Variants in SGCD observed in about 807,000 individuals in gnomAD.
The protein encoded by SGCD is sarcoglycan delta, also known as delta-sarcoglycan.
SGCD carries 18 observed loss-of-function variants against 36.6 expected under a neutral mutation model. The ratio of observed to expected loss-of-function variants is 0.49; its 90% CI spans 0.34 to 0.73. The LOEUF (loss-of-function observed/expected upper bound fraction) is 0.73, where lower values mean the gene tolerates loss of function less well. SGCD is among the 30% of genes least tolerant of loss of function. The probability of loss-of-function intolerance (pLI) is 0.01; values close to 1 mark genes in which losing one functional copy is unlikely to be tolerated. For synonymous variants in SGCD, 133 were observed against 130.6 expected, an observed-to-expected ratio of 1.02 and a Z score of -0.12; for missense variants, 387 against 346.7, an observed-to-expected ratio of 1.12 and a Z score of -0.92.
At chr5:156,063,529 T>C (rs371699023) in intron 1 of SGCD, among the ~76,000 whole-genome samples, 1 of 126,034 alleles carries the variant, frequency 7.9e-6, no homozygotes, top group Non-Finnish European at 1.6e-5. Context: ...TTGGGCAGTA[T>C]GGCCATTTTC....
intron 3 of SGCD, among the ~76,000 whole-genome samples, chr5:156,289,140 T>TA (rs1218535569): frequency 6.6e-6 from 1 of 152,066 alleles, no homozygotes; most frequent in Non-Finnish European, 1.5e-5. Context: ...CATATAAGTT[T>TA]AAAAAACACT....
chr5:156,334,609 C>CTTTTTTTTTTTTTTTTTTTTT (rs35767339), intron 2 of SGCD, among the ~76,000 whole-genome samples: 2 of 105,066 alleles, frequency 1.9e-5, no homozygotes, highest in African/African-American at 7.6e-5. Flanking sequence ...GGTCTATTTT[C>CTTTTTTTTTTTTTTTTTTTTT]TTTTTTTTTT....
intron 3 of SGCD, among the ~76,000 whole-genome samples, chr5:156,445,390 G>A (rs1753718061): frequency 6.6e-6 from 1 of 152,094 alleles, no homozygotes; most frequent in African/African-American, 2.4e-5. Flanking sequence ...TTACAAAATA[G>A]GAATGTATTT....
At chr5:156,440,435 G>T (rs1245116122) in intron 3 of SGCD, among the ~76,000 whole-genome samples, 3 of 152,052 alleles carry the variant, frequency 2.0e-5, no homozygotes, top group Non-Finnish European at 2.9e-5. Context: ...CAACATTTGT[G>T]TACACATTTC....
At chr5:155,886,499 CACGCGCGCGTGCGTGTGTGTGT>C (rs1002841957) in intron 1 of SGCD, among the ~76,000 whole-genome samples, 1 of 75,476 alleles carries the variant, frequency 1.3e-5, no homozygotes, top group African/African-American at 5.2e-5. Context: ...TGTGTGCGCG[CACGCGCGCGTGCGTGTGTGTGT>C]GCGTGGGCGC....
intron 6 of SGCD, among the ~76,000 whole-genome samples, chr5:156,617,807 C>A (rs1762075934): frequency 1.3e-5 from 2 of 152,182 alleles, no homozygotes. Context: ...GATTGCCCTC[C>A]CTGGTACATC....
chr5:155,962,900 C>G (rs1366553821), intron 1 of SGCD, among the ~76,000 whole-genome samples: 1 of 152,116 alleles, frequency 6.6e-6, no homozygotes, highest in Non-Finnish European at 1.5e-5. Flanking sequence ...AATCTATGCC[C>G]TCATTTCGGC....
At chr5:155,824,051 C>T in the SGCD span, among the ~76,000 whole-genome samples, 1 of 152,114 alleles carries the variant, frequency 6.6e-6, no homozygotes, top group Non-Finnish European at 1.5e-5. Context: ...CAGAGAAATG[C>T]CCTCAAATAT....
intron 3 of SGCD, among the ~76,000 whole-genome samples, chr5:156,345,277 A>G (rs775055130): frequency 6.6e-6 from 1 of 152,078 alleles, no homozygotes; most frequent in Non-Finnish European, 1.5e-5. Context: ...TGTTTCTTCA[A>G]TGAAACTTTT....
chr5:155,919,558 A>G (rs1756828074), intron 1 of SGCD, among the ~76,000 whole-genome samples: 1 of 152,192 alleles, frequency 6.6e-6, no homozygotes, highest in Non-Finnish European at 1.5e-5. Flanking sequence ...TGGAGATTAC[A>G]AACTTAAAAA....
chr5:156,646,592 G>T (rs1561835548), intron 6 of SGCD, among the ~76,000 whole-genome samples: 1 of 152,144 alleles, frequency 6.6e-6, no homozygotes, highest in Non-Finnish European at 1.5e-5. Context: ...TTCACACATG[G>T]AAGTAAGATA....
At chr5:156,593,779 G>A (rs550897272) in intron 5 of SGCD, among the ~76,000 whole-genome samples, 3 of 152,244 alleles carry the variant, frequency 2.0e-5, no homozygotes, top group South Asian at 4.2e-4. Context: ...GTTCCTAGTG[G>A]TCTTTGGCTG....
chr5:156,328,011 C>A (rs1767889525), intron 1 of SGCD, among the ~76,000 whole-genome samples: 1 of 152,194 alleles, frequency 6.6e-6, no homozygotes, highest in Admixed American at 6.5e-5. Context: ...AGGACAGAGA[C>A]ATGATGGTGT....
chr5:155,914,633 A>G (rs978548598), intron 1 of SGCD, among the ~76,000 whole-genome samples: 1 of 152,154 alleles, frequency 6.6e-6, no homozygotes, highest in Non-Finnish European at 1.5e-5. Flanking sequence ...ATAATAAACA[A>G]TTTTTTAAAA....
At chr5:156,003,068 G>T (rs780362633) in intron 1 of SGCD, among the ~76,000 whole-genome samples, 1 of 152,188 alleles carries the variant, frequency 6.6e-6, no homozygotes, top group African/African-American at 2.4e-5. Context: ...AGTTAATGAA[G>T]CCATCCCAAA....
chr5:156,655,292 T>C (rs756438481), intron 7 of SGCD, among the ~76,000 whole-genome samples: 3 of 152,160 alleles, frequency 2.0e-5, no homozygotes, highest in Non-Finnish European at 4.4e-5. Context: ...CAAACCTCTG[T>C]CTTGGCTGCT....
chr5:156,078,767 G>T (rs1270255856), intron 1 of SGCD, among the ~76,000 whole-genome samples: 1 of 150,030 alleles, frequency 6.7e-6, no homozygotes, highest in Non-Finnish European at 1.5e-5. Context: ...TGCTAAACTA[G>T]TATAATTTTA....
the SGCD span, among the ~76,000 whole-genome samples, chr5:155,814,240 G>A: frequency 1.3e-5 from 2 of 152,164 alleles, no homozygotes; most frequent in Admixed American, 6.5e-5. Context: ...CCACTTCAGA[G>A]TTTTCTTGTT....
intron 4 of SGCD, among the ~76,000 whole-genome samples, chr5:156,533,990 T>C (rs970512562): frequency 2.6e-5 from 4 of 151,694 alleles, no homozygotes; most frequent in African/African-American, 9.7e-5. Flanking sequence ...ACTTTTCTTT[T>C]ATCTCCTTCA....
Sources: allele counts gnomAD v4.1 joint callset (sites outside exome capture counted in the v4.1 genomes callset), GRCh38; gene constraint gnomAD v4.1.1; transcripts MANE v1.5; gene names NCBI Gene and HGNC (gene_info 2026-07-23, HGNC 2026-07-21).